The following CPT1A variants were observed in gnomAD, a reference collection of about 807,000 sequenced individuals.
CPT1A encodes carnitine palmitoyltransferase 1A.
A neutral mutation model predicts 100.8 loss-of-function variants in CPT1A; 64 were observed. That is an observed-to-expected ratio of 0.63 (90% CI 0.52 to 0.78). CPT1A has a LOEUF of 0.78. Ranked by LOEUF, CPT1A falls within the 30% of genes least tolerant of loss-of-function variation. CPT1A has a pLI of 0.00. For synonymous variants in CPT1A, 363 were observed against 396.0 expected, an observed-to-expected ratio of 0.92 and a Z score of 0.99; for missense variants, 802 against 1,034.1, an observed-to-expected ratio of 0.78 and a Z score of 3.08.
At chr11:68,788,532 C>T (rs550770645) in intron 9 of CPT1A, among the ~76,000 whole-genome samples, 7 of 147,270 alleles carry the variant, frequency 4.8e-5, no homozygotes, top group African/African-American at 1.7e-4. Context: ...CTGGAAGGTG[C>T]GGTTTGCAGT....
chr11:68,769,084 T>C (rs2153996198), intron 14 of CPT1A, among the ~76,000 whole-genome samples: 1 of 152,338 alleles, frequency 6.6e-6, no homozygotes. Context: ...CTTATTTCTC[T>C]TGGATTATTT....
At chr11:68,762,358 G>T (rs963470236) in intron 15 of CPT1A, among the ~76,000 whole-genome samples, 1 of 152,180 alleles carries the variant, frequency 6.6e-6, no homozygotes, top group African/African-American at 2.4e-5. Flanking sequence ...GTGTGTCCTG[G>T]CCTAATTTAA....
In CPT1A at chr11:68,775,299, G is replaced by A. The variant is rs1352748204; in HGVS notation, c.1575+17C>T. ...CCATCCCAGGTAAGTAACAATGGTT[G>A]GATAATCCGGACTTACTTCCCCCGG... On this transcript the variant is annotated intron_variant, in intron 13 of 18. Transcript: ENST00000265641. The A allele has an allele frequency of 6.3e-7, 1 of 1,575,498 alleles. No homozygotes were observed.
intron 1 of CPT1A, among the ~76,000 whole-genome samples, chr11:68,827,209 T>C (rs1856755305): frequency 6.6e-6 from 1 of 152,112 alleles, no homozygotes; most frequent in Non-Finnish European, 1.5e-5. Context: ...GGTGAGCACC[T>C]GTAGTCCCAG....
chr11:68,821,782 G>A (rs181487603), intron 1 of CPT1A, among the ~76,000 whole-genome samples: 46 of 152,248 alleles, frequency 3.0e-4, no homozygotes, highest in Admixed American at 1.4e-3. Context: ...AGGATACAAA[G>A]CTGACCGTAT....
chr11:68,781,994 C>T (rs538321621), intron 10 of CPT1A, 35 bp from the exon 11 acceptor site: 2 of 1,568,116 alleles, frequency 1.3e-6, no homozygotes, highest in South Asian at 2.2e-5. Context: ...AAAGGCAGCC[C>T]GACCTGCAGC....
At chr11:68,792,604 G>T (rs532910272) in intron 9 of CPT1A, among the ~76,000 whole-genome samples, 88 of 152,296 alleles carry the variant, frequency 5.8e-4, no homozygotes, top group African/African-American at 2.1e-3. Context: ...TGGTTTGGAC[G>T]GTGGCTTACG....
chr11:68,792,647 A>G (rs1174558047), intron 9 of CPT1A, among the ~76,000 whole-genome samples: 1 of 152,246 alleles, frequency 6.6e-6, no homozygotes, highest in Non-Finnish European at 1.5e-5. Context: ...CAGCTGATAA[A>G]GGAGTGGCTG....
chr11:68,807,785 C>A, intron 3 of CPT1A, 147 bp from the exon 4 acceptor site: 3 of 752,160 alleles, frequency 4.0e-6, no homozygotes. Flanking sequence ...AGAGCACTTG[C>A]AGGAACTGAG....
chr11:68,796,481 G>A (rs1288445998), intron 7 of CPT1A, among the ~76,000 whole-genome samples: 2 of 152,124 alleles, frequency 1.3e-5, no homozygotes, highest in Admixed American at 1.3e-4. Context: ...ACTTGAACCT[G>A]GGAGGCGGAG....
intron 7 of CPT1A, among the ~76,000 whole-genome samples, chr11:68,795,813 G>A (rs2153999917): frequency 6.6e-6 from 1 of 152,022 alleles, no homozygotes; most frequent in Non-Finnish European, 1.5e-5. Flanking sequence ...GGGAGGCTGA[G>A]GCAGGAGAAT....
chr11:68,799,366 T>C lies in CPT1A; in HGVS notation c.556-11A>G. On this transcript the variant is annotated splice_polypyrimidine_tract_variant and intron_variant, in intron 5 of 18. Coordinates refer to ENST00000265641, the MANE Select transcript of CPT1A (RefSeq NM_001876.4). ...CACCGACTGTAGATACTGGGATTAT[T>C]GGGGGAAAAAAAAATCACCCAAGTT... 6.5e-7 allele frequency: 1 copy of C among 1,532,710 alleles called. No individual in the cohort carries two copies. Among genetic ancestry groups the C allele is most frequent in the East Asian group, 2.3e-5 (1 of 43,496 alleles). The allele number at this position is 1,532,710 out of a possible 1,614,324, so 94.9% of individuals were successfully genotyped here.
At chr11:68,831,584 T>C (rs755326365) in intron 1 of CPT1A, among the ~76,000 whole-genome samples, 2 of 151,826 alleles carry the variant, frequency 1.3e-5, no homozygotes, top group Non-Finnish European at 2.9e-5. Flanking sequence ...GGTAGGTAGG[T>C]AAGACATAAA....
chr11:68,763,202 G>A (rs574472538), intron 14 of CPT1A, among the ~76,000 whole-genome samples: 22 of 152,208 alleles, frequency 1.4e-4, no homozygotes, highest in African/African-American at 4.3e-4. Flanking sequence ...GGGTAGTGAC[G>A]TGGCAGCAGA....
At chr11:68,839,866 G>C (rs1041617770) in intron 1 of CPT1A, among the ~76,000 whole-genome samples, 9 of 152,224 alleles carry the variant, frequency 5.9e-5, no homozygotes, top group African/African-American at 1.9e-4. Flanking sequence ...AGTATCGGAA[G>C]GGACCCAGTT....
intron 1 of CPT1A, among the ~76,000 whole-genome samples, chr11:68,838,591 A>AAAAAAAAAAAAAAAAAG (rs1555235345): frequency 6.7e-6 from 1 of 150,042 alleles, no homozygotes; most frequent in African/African-American, 2.5e-5. Flanking sequence ...AAAAAAAAAA[A>AAAAAAAAAAAAAAAAAG]CAGAGACAGG....
At chr11:68,839,805 C>T (rs1183950812) in intron 1 of CPT1A, 3 of 701,578 alleles carry the variant, frequency 4.3e-6, no homozygotes, top group Non-Finnish European at 5.3e-6. Context: ...CCCAACTTGA[C>T]CGCTCGGTGA....
intron 6 of CPT1A, among the ~76,000 whole-genome samples, chr11:68,798,326 G>A (rs980869392): frequency 6.6e-6 from 1 of 152,204 alleles, no homozygotes; most frequent in South Asian, 2.1e-4. Context: ...CCAGCACACC[G>A]GTGCAGCCAG....
At chr11:68,792,273 G>A (rs970213479) in intron 9 of CPT1A, among the ~76,000 whole-genome samples, 2 of 152,066 alleles carry the variant, frequency 1.3e-5, no homozygotes, top group South Asian at 2.1e-4. Flanking sequence ...GGAGGTGGAG[G>A]TTGCAGTGAG....
Sources: allele counts gnomAD v4.1 joint callset (sites outside exome capture counted in the v4.1 genomes callset), GRCh38; gene constraint gnomAD v4.1.1; transcripts MANE v1.5; gene names NCBI Gene and HGNC (gene_info 2026-07-23, HGNC 2026-07-21).